The following GPATCH2L variants were observed in gnomAD, a reference collection of about 807,000 sequenced individuals.
The protein encoded by GPATCH2L is G-patch domain containing 2 like.
Under a neutral mutation model 57.4 loss-of-function variants are expected in GPATCH2L, and 31 were observed. The ratio of observed to expected loss-of-function variants is 0.54; its 90% confidence interval spans 0.41 to 0.73. GPATCH2L has a LOEUF of 0.73. Among genes scored for constraint, GPATCH2L ranks in the 30% least tolerant of loss-of-function variants. The pLI is 0.00. For synonymous variants in GPATCH2L, 199 were observed against 210.7 expected, an observed-to-expected ratio of 0.94 and a Z score of 0.48; for missense variants, 481 against 599.9, an observed-to-expected ratio of 0.80 and a Z score of 2.07.
intron 6 of GPATCH2L, 104 bp from the exon 7 acceptor site, chr14:76,177,884 C>T (rs1566793339): frequency 6.4e-7 from 1 of 1,562,202 alleles, no homozygotes; most frequent in Non-Finnish European, 8.8e-7. Context: ...TTCTCTCCCT[C>T]TCTTTAGTTT....
intron 5 of GPATCH2L, chr14:76,173,939 T>C (rs1249544908): frequency 1.3e-5 from 5 of 387,558 alleles, no homozygotes; most frequent in Non-Finnish European, 2.3e-5. Flanking sequence ...TATTATTGTG[T>C]AAGTTAAAAT....
chr14:76,223,990 G>A (rs1373355716), intron 1 of GPATCH2L, among the ~76,000 whole-genome samples: 1 of 152,132 alleles, frequency 6.6e-6, no homozygotes, highest in Admixed American at 6.5e-5. Flanking sequence ...AACCACCCAA[G>A]TACCTATCAA....
chr14:76,159,733 C>G (rs1391762481), intron 2 of GPATCH2L, among the ~76,000 whole-genome samples: 1 of 152,134 alleles, frequency 6.6e-6, no homozygotes, highest in Non-Finnish European at 1.5e-5. Context: ...TTCTAGGACT[C>G]AATACCCTAT....
chr14:76,170,718 TC>T (rs1307602634), intron 3 of GPATCH2L: 1 of 152,170 alleles, frequency 6.6e-6, no homozygotes, highest in Admixed American at 6.5e-5. Flanking sequence ...TAGCAAGAAA[TC>T]CCTCAGGTAT....
At chr14:76,169,137 C>T (rs747574687) in intron 3 of GPATCH2L, among the ~76,000 whole-genome samples, 6 of 152,106 alleles carry the variant, frequency 3.9e-5, no homozygotes, top group Non-Finnish European at 7.4e-5. Context: ...TCTGCAATGA[C>T]CCCATTTAAA....
chr14:76,229,551 G>A (rs1174034201), intron 1 of GPATCH2L, among the ~76,000 whole-genome samples: 1 of 152,048 alleles, frequency 6.6e-6, no homozygotes, highest in African/African-American at 2.4e-5. Flanking sequence ...GTTAATATGG[G>A]CCCTGGAAGC....
intron 2 of GPATCH2L, among the ~76,000 whole-genome samples, chr14:76,158,735 T>G (rs1194014960): frequency 6.6e-6 from 1 of 152,236 alleles, no homozygotes; most frequent in Non-Finnish European, 1.5e-5. Context: ...TATTTACCAT[T>G]GTTGCAGTTG....
Position 76,222,987 on chromosome 14 carries a change from T to A in GPATCH2L, c.66-6821T>A, listed in dbSNP as rs116483287. Among the ~76,000 whole-genome samples the A allele has an allele frequency of 6.1e-3, 919 of 151,518 alleles. 9 individuals carry two copies. Among genetic ancestry groups the A allele is most frequent in the African/African-American group, 0.021 (883 of 41,356 alleles). ...AAAAAAAAAAGAAAGAAAAAAAAGT[T>A]GAATCTGTAACTATAACTTTCCCAC... is the stretch of plus-strand genomic sequence containing the variant. On this transcript the variant is annotated intron_variant and NMD_transcript_variant, in intron 1 of 3. Transcript: ENST00000556372.
intron 9 of GPATCH2L, chr14:76,196,303 T>TC: frequency 1.7e-6 from 1 of 602,144 alleles, no homozygotes; most frequent in African/African-American, 1.9e-5. Flanking sequence ...AGTCAGGCAG[T>TC]CACACAGGGT....
intron 8 of GPATCH2L, among the ~76,000 whole-genome samples, chr14:76,189,420 T>A (rs1297338204): frequency 6.6e-6 from 1 of 151,998 alleles, no homozygotes; most frequent in East Asian, 1.9e-4. Flanking sequence ...AGATCTTTTA[T>A]TTCTGTAAGT....
intron 2 of GPATCH2L, among the ~76,000 whole-genome samples, chr14:76,232,086 A>AT (rs2040574340): frequency 1.9e-4 from 2 of 10,644 alleles, no homozygotes; most frequent in South Asian, 6.6e-3. Flanking sequence ...TAATTTTTGT[A>AT]TTTTTTGTAG....
chr14:76,188,705 C>T (rs1406371006), intron 8 of GPATCH2L, among the ~76,000 whole-genome samples: 1 of 151,938 alleles, frequency 6.6e-6, no homozygotes, highest in African/African-American at 2.4e-5. Flanking sequence ...AGGTTTTTAA[C>T]TCAATGTGAT....
intron 1 of GPATCH2L, among the ~76,000 whole-genome samples, chr14:76,152,239 C>A (rs551537359): frequency 1.3e-5 from 2 of 152,270 alleles, no homozygotes; most frequent in East Asian, 3.9e-4. Flanking sequence ...GGGCGGGCTG[C>A]AGCCTGAGGG....
chr14:76,166,869 A>G, intron 3 of GPATCH2L, 142 bp downstream of exon 3: 1 of 661,720 alleles, frequency 1.5e-6, no homozygotes, highest in East Asian at 2.9e-5. Context: ...TCACCTAGGG[A>G]ACTGTTAAAA....
At chr14:76,226,823 G>A (rs1410816218) in intron 1 of GPATCH2L, among the ~76,000 whole-genome samples, 1 of 152,150 alleles carries the variant, frequency 6.6e-6, no homozygotes, top group African/African-American at 2.4e-5. Flanking sequence ...CAGGTGTTCT[G>A]TTATAGCAGC....
intron 5 of GPATCH2L, chr14:76,175,035 G>C (rs932264327): frequency 2.6e-5 from 4 of 152,154 alleles, no homozygotes; most frequent in Non-Finnish European, 5.9e-5. Flanking sequence ...TCTGTTTTGG[G>C]AGCTTATTGT....
At chr14:76,152,391 G>A (rs1338826172) in intron 1 of GPATCH2L, 4 of 258,572 alleles carry the variant, frequency 1.5e-5, no homozygotes, top group African/African-American at 6.7e-5. Context: ...GCCAAGACTT[G>A]CATTTTGGCA....
chr14:76,223,358 A>G (rs915143945), intron 1 of GPATCH2L, among the ~76,000 whole-genome samples: 2 of 152,238 alleles, frequency 1.3e-5, no homozygotes, highest in Non-Finnish European at 1.5e-5. Context: ...TCAACAAACT[A>G]TCTGGGACAA....
At chr14:76,152,204 C>A (rs2038075037) in intron 1 of GPATCH2L, among the ~76,000 whole-genome samples, 1 of 152,182 alleles carries the variant, frequency 6.6e-6, no homozygotes, top group Non-Finnish European at 1.5e-5. Flanking sequence ...GCCCCCTCTT[C>A]CCCTTTCTTC....
Sources: allele counts gnomAD v4.1 joint callset (sites outside exome capture counted in the v4.1 genomes callset), GRCh38; gene constraint gnomAD v4.1.1; transcripts MANE v1.5; gene names NCBI Gene and HGNC (gene_info 2026-07-23, HGNC 2026-07-21).